The following AKIRIN1 variants were observed in gnomAD, a reference collection of about 807,000 sequenced individuals.
AKIRIN1 encodes the protein akirin 1.
In AKIRIN1, 4 loss-of-function variants were observed where a neutral mutation model predicts 25.9. The observed-to-expected ratio is 0.15, with a 90% CI of 0.08 to 0.35. The LOEUF is 0.35. Ranked by LOEUF, AKIRIN1 falls within the 10% of genes least tolerant of loss-of-function variation. The pLI, the probability that AKIRIN1 is intolerant of heterozygous loss-of-function variation, is 1.00. For missense variants in AKIRIN1, 243 were observed against 266.1 expected (o/e 0.91, Z 0.61); for synonymous variants, 125 against 105.1 (o/e 1.19, Z -1.16).
chr1:38,994,340 C>G (rs1012308153), intron 1 of AKIRIN1, among the ~76,000 whole-genome samples: 5 of 152,096 alleles, frequency 3.3e-5, no homozygotes, highest in African/African-American at 1.2e-4. Context: ...TAAAACTAAG[C>G]CTTTTATTGC....
intron 2 of AKIRIN1, among the ~76,000 whole-genome samples, chr1:38,999,517 C>T (rs1448989483): frequency 6.6e-6 from 1 of 152,162 alleles, no homozygotes; most frequent in African/African-American, 2.4e-5. Flanking sequence ...ATCCAGAGTT[C>T]CTGGCTCTGG....
chr1:39,003,598 CTAT>C (rs982413938), intron 4 of AKIRIN1, among the ~76,000 whole-genome samples, 180 bp downstream of exon 4: 1 of 152,158 alleles, frequency 6.6e-6, no homozygotes, highest in African/African-American at 2.4e-5. Context: ...TGAGGGAGTA[CTAT>C]TATTAGCTCC....
intron 1 of AKIRIN1, among the ~76,000 whole-genome samples, chr1:38,993,706 A>C (rs1393410412): frequency 1.3e-5 from 2 of 151,708 alleles, no homozygotes; most frequent in Non-Finnish European, 2.9e-5. Flanking sequence ...TGGGAGGCTG[A>C]GGCAGGAGGA....
At position 39,004,633 on chromosome 1, in the gene AKIRIN1, C is replaced by T. The variant is rs1185687300; in HGVS notation, c.*578C>T. The T allele has an allele frequency of 5.8e-6, 1 of 173,762 alleles. No individual in the cohort carries two copies. Among genetic ancestry groups the T allele is most frequent in the African/African-American group, 2.4e-5 (1 of 41,568 alleles). 10.8% of individuals were successfully genotyped at this position (173,762 alleles called of 1,614,324 possible). A position where few individuals can be genotyped will look rare whatever the true frequency, so the allele number is the denominator to read the frequency against. ...CTGTTTCCAGGCACAGAATATGAAT[C>T]GTAAGTTAGGATGGACATTAGATGT... is the stretch of plus-strand genomic sequence containing the variant. On this transcript the variant is annotated 3_prime_UTR_variant, in exon 5 of 5. Coordinates refer to ENST00000432648, the MANE Select transcript of AKIRIN1 (RefSeq NM_024595.3).
intron 1 of AKIRIN1, 60 bp downstream of exon 1, chr1:38,991,660 TGGTGGGGGAG>T: frequency 1.9e-4 from 19 of 99,192 alleles, no homozygotes; most frequent in South Asian, 2.7e-4. Flanking sequence ...TTGGGGGGGG[TGGTGGGGGAG>T]GGTTGGGAAT....
At chr1:38,995,479 T>G (rs1643941195) in intron 1 of AKIRIN1, among the ~76,000 whole-genome samples, 1 of 152,226 alleles carries the variant, frequency 6.6e-6, no homozygotes, top group Admixed American at 6.5e-5. Flanking sequence ...AATTTTGTGC[T>G]TTATATGGCC....
intron 1 of AKIRIN1, among the ~76,000 whole-genome samples, chr1:38,997,048 T>C (rs908784708): frequency 2.0e-5 from 3 of 152,026 alleles, no homozygotes; most frequent in South Asian, 2.1e-4. Flanking sequence ...GAATAACTTC[T>C]CAAGGTTATA....
intron 2 of AKIRIN1, among the ~76,000 whole-genome samples, chr1:38,998,573 C>T (rs566466266): frequency 1.8e-4 from 27 of 152,104 alleles, no homozygotes; most frequent in African/African-American, 6.3e-4. Flanking sequence ...AATAAATAGC[C>T]ACATGTGGGC....
In AKIRIN1 at chr1:39,001,042, C is replaced by T; in HGVS notation, c.432C>T (p.Leu144=). The change falls in exon 3 of 5, where the codon CTC becomes CTT. Residue 144 remains leucine (L), a synonymous_variant. Transcript: ENST00000432648. The part of the protein sequence containing the change: ...LRQVGIICER[L]LKDYEDKIRE... ...AAGTTGGCATAATATGTGAGCGCCT[C>T]TTAAAAGACTATGAAGATAAAATTC... The T allele has an allele frequency of 6.2e-7, 1 of 1,613,966 alleles. No homozygotes were observed. Among genetic ancestry groups the T allele is most frequent in the Non-Finnish European group, 8.5e-7 (1 of 1,179,956 alleles).
In AKIRIN1 at chr1:39,005,810, A is replaced by C. The variant is rs1374073735; in HGVS notation, c.*1755A>C. The C allele has an allele frequency of 6.6e-6, 1 of 152,228 alleles. No homozygotes were observed. Among genetic ancestry groups the C allele is most frequent in the Non-Finnish European group, 1.5e-5 (1 of 68,050 alleles). The allele number at this position is 152,228 out of a possible 1,614,324, so 9.4% of individuals were successfully genotyped here. A position where few individuals can be genotyped will look rare whatever the true frequency, so the allele number is the denominator to read the frequency against. On this transcript the variant is annotated 3_prime_UTR_variant, in exon 5 of 5. Coordinates refer to ENST00000432648, the MANE Select transcript of AKIRIN1 (RefSeq NM_024595.3). ...TGACTTAAATCTAACCAAAAACTGC[A>C]ACATTATTCTTTGTACATTTTCATT... is the stretch of plus-strand genomic sequence containing the variant.
Position 38,998,104 on chromosome 1 carries a change from C to T in AKIRIN1, c.221-67C>T, listed in dbSNP as rs377127218. 91 of 1,517,384 alleles carry T rather than the reference C, an allele frequency of 6.0e-5. No homozygotes were observed. In the East Asian group the frequency reaches 1.2e-3, roughly 19 times the overall value. 94.0% of individuals were successfully genotyped at this position (1,517,384 alleles called of 1,614,324 possible). A position where few individuals can be genotyped will look rare whatever the true frequency, so the allele number is the denominator to read the frequency against. ...GTCAGAAGATCTTTGTCTCTTCCCA[C>T]TTCTGAAGAAAGTTTGAAGAAATGA... On this transcript the variant is annotated intron_variant, in intron 1 of 4. Transcript: ENST00000432648.
chr1:39,000,509 A>G (rs927926781), intron 2 of AKIRIN1, among the ~76,000 whole-genome samples: 10 of 151,196 alleles, frequency 6.6e-5, no homozygotes, highest in Admixed American at 1.3e-4. Flanking sequence ...CACCACGTCC[A>G]GCTAATTTTT....
chr1:39,002,642 A>G (rs1458360325), intron 3 of AKIRIN1, among the ~76,000 whole-genome samples: 1 of 152,044 alleles, frequency 6.6e-6, no homozygotes, highest in African/African-American at 2.4e-5. Flanking sequence ...AGGCAGGAGA[A>G]TGGCGTGAAT....
At chr1:38,999,594 A>G (rs975402494) in intron 2 of AKIRIN1, among the ~76,000 whole-genome samples, 2 of 152,200 alleles carry the variant, frequency 1.3e-5, no homozygotes, top group African/African-American at 4.8e-5. Context: ...AACTAGCACT[A>G]TTCTCTTGAG....
Position 38,994,672 on chromosome 1 carries a change from A to ATTTTTTTTTTTTTTTTTTTTTTTTT in AKIRIN1, c.220+3082_220+3106dup, listed in dbSNP as rs10528399. ...AGGCATGTGTCACTACGCTCGGCTA[A>ATTTTTTTTTTTTTTTTTTTTTTTTT]TTTTTTTTTTTTTTTTTTTTTTTTT... On this transcript the variant is annotated intron_variant, in intron 1 of 4. Transcript: ENST00000432648. Among the ~76,000 whole-genome samples, 9 of 63,552 alleles carry ATTTTTTTTTTTTTTTTTTTTTTTTT rather than the reference A, an allele frequency of 1.4e-4. 1 individual carries two copies. Among genetic ancestry groups the ATTTTTTTTTTTTTTTTTTTTTTTTT allele is most frequent in the African/African-American group, 2.5e-4 (3 of 12,202 alleles). 41.7% of individuals were successfully genotyped at this position (63,552 alleles called of 152,430 possible).
In AKIRIN1 at chr1:39,005,260, A is replaced by T. The variant is rs1644025883; in HGVS notation, c.*1205A>T. 1 of 151,250 alleles carries T rather than the reference A, an allele frequency of 6.6e-6. No individual in the cohort carries two copies. Among genetic ancestry groups the T allele is most frequent in the Admixed American group, 6.6e-5 (1 of 15,056 alleles). 9.4% of individuals were successfully genotyped at this position (151,250 alleles called of 1,614,324 possible). A position where few individuals can be genotyped will look rare whatever the true frequency, so the allele number is the denominator to read the frequency against. On this transcript the variant is annotated 3_prime_UTR_variant, in exon 5 of 5. Transcript: ENST00000432648. The stretch of plus-strand genomic sequence containing the variant: ...GAGGTGGCGGTTGCAGTGAGCACAG[A>T]TCATGCCACTGCACTCCAGCCTGGG...
rs1002015925 is a variant in AKIRIN1, at chr1:38,991,709, C to T, written c.220+109C>T. On this transcript the variant is annotated intron_variant, in intron 1 of 4. Transcript: ENST00000432648. ...AGGCCAGTTTACCCAGGGACCCCTTCTTTGCCTTGAGAAAAGGGAACTGGG... is the reference window on the plus strand; with the variant it reads ...AGGCCAGTTTACCCAGGGACCCCTTTTTTGCCTTGAGAAAAGGGAACTGGG... 6.1e-6 allele frequency: 7 copies of T among 1,155,302 alleles called. No homozygotes were observed. The African/African-American group carries it at 6.4e-5, about 11-fold the overall frequency. The allele number at this position is 1,155,302 out of a possible 1,614,324, so 71.6% of individuals were successfully genotyped here.
chr1:38,993,135 G>A (rs1643921782), intron 1 of AKIRIN1, among the ~76,000 whole-genome samples: 1 of 152,220 alleles, frequency 6.6e-6, no homozygotes, highest in African/African-American at 2.4e-5. Flanking sequence ...GAACCCTCAA[G>A]ATAGTTGCAA....
At chr1:38,999,439 A>G (rs1643971745) in intron 2 of AKIRIN1, among the ~76,000 whole-genome samples, 1 of 152,186 alleles carries the variant, frequency 6.6e-6, no homozygotes, top group South Asian at 2.1e-4. Context: ...AATGCCACTG[A>G]CTTGTTTGCT....
Sources: gnomAD v4.1 joint callset for allele counts (sites outside exome capture counted in the v4.1 genomes callset) on GRCh38, gnomAD v4.1.1 for gene constraint, MANE v1.5 for transcripts, NCBI Gene and HGNC (gene_info 2026-07-23, HGNC 2026-07-21) for gene names.